ASTN2: variants seen among roughly 807,000 people sequenced by gnomAD.
The protein encoded by ASTN2 is astrotactin-2.
ASTN2 carries 54 observed loss-of-function variants against 139.8 expected under a neutral mutation model. The observed-to-expected ratio is 0.39, with a 90% CI of 0.31 to 0.48. The LOEUF (loss-of-function observed/expected upper bound fraction) is 0.48, where lower values mean the gene tolerates loss of function less well. Ranked by LOEUF, ASTN2 falls within the 20% of genes least tolerant of loss-of-function variation. The pLI, the probability that ASTN2 is intolerant of heterozygous loss-of-function variation, is 0.95. For missense variants in ASTN2, 1,565 were observed against 1,725.1 expected (o/e 0.91, Z 1.64); for synonymous variants, 756 against 719.5 (o/e 1.05, Z -0.81).
chr9:116,950,665 G>T (rs1564356768), intron 10 of ASTN2, among the ~76,000 whole-genome samples: 1 of 152,060 alleles, frequency 6.6e-6, no homozygotes, highest in African/African-American at 2.4e-5. Flanking sequence ...ATTCTGGTAG[G>T]AACAGGAAAC....
chr9:117,360,559 A>C (rs1829663808), intron 1 of ASTN2, among the ~76,000 whole-genome samples: 1 of 152,172 alleles, frequency 6.6e-6, no homozygotes, highest in Non-Finnish European at 1.5e-5. Context: ...TGCTGGTCTA[A>C]TGGAGAGAGT....
chr9:116,986,318 G>A (rs1468862462), intron 7 of ASTN2, among the ~76,000 whole-genome samples: 1 of 152,140 alleles, frequency 6.6e-6, no homozygotes, highest in Non-Finnish European at 1.5e-5. Flanking sequence ...CTGCAGACCA[G>A]CTACCCTTCT....
At chr9:117,094,282 G>T (rs1196836416) in intron 5 of ASTN2, among the ~76,000 whole-genome samples, 1 of 152,088 alleles carries the variant, frequency 6.6e-6, no homozygotes, top group African/African-American at 2.4e-5. Flanking sequence ...GGGATGGAAG[G>T]AGAGAGAAAG....
chr9:116,531,049 T>C (rs1355292861), intron 19 of ASTN2, among the ~76,000 whole-genome samples: 1 of 152,230 alleles, frequency 6.6e-6, no homozygotes, highest in Admixed American at 6.5e-5. Context: ...TGTAGCATTT[T>C]ATTCAATTAC....
chr9:117,136,561 A>G (rs1185086765), intron 4 of ASTN2, among the ~76,000 whole-genome samples: 1 of 152,142 alleles, frequency 6.6e-6, no homozygotes, highest in Non-Finnish European at 1.5e-5. Context: ...AAATCAGGAC[A>G]ATGTTCTAGG....
intron 10 of ASTN2, among the ~76,000 whole-genome samples, chr9:116,955,493 A>T (rs760915266): frequency 3.3e-5 from 5 of 152,236 alleles, no homozygotes; most frequent in Non-Finnish European, 5.9e-5. Context: ...GTTAAGAGCT[A>T]GCCGATCCTG....
intron 16 of ASTN2, among the ~76,000 whole-genome samples, chr9:116,718,976 A>ATATATATATATATATATATATATATC (rs1242831985): frequency 2.1e-5 from 2 of 96,326 alleles, no homozygotes; most frequent in Non-Finnish European, 3.9e-5. Flanking sequence ...GTATCTGTAC[A>ATATATATATATATATATATATATATC]TATATATATA....
intron 19 of ASTN2, among the ~76,000 whole-genome samples, chr9:116,507,503 G>C (rs576198676): frequency 6.6e-6 from 1 of 152,144 alleles, no homozygotes; most frequent in South Asian, 2.1e-4. Context: ...TGTCCAGTTG[G>C]TGGGCAGCCT....
At chr9:117,255,423 G>C (rs565591479) in intron 2 of ASTN2, among the ~76,000 whole-genome samples, 3 of 152,274 alleles carry the variant, frequency 2.0e-5, no homozygotes, top group Admixed American at 6.5e-5. Flanking sequence ...GATTATTTGT[G>C]TTACACCCAT....
At chr9:117,209,469 A>G (rs1119749) in intron 3 of ASTN2, among the ~76,000 whole-genome samples, 90,004 of 151,928 alleles carry the variant, frequency 0.59, 27,146 homozygotes, top group Middle Eastern at 0.7. Context: ...AGGATATTAT[A>G]TGATAATAAA....
chr9:117,046,193 G>T (rs1352501212), intron 5 of ASTN2, among the ~76,000 whole-genome samples: 1 of 152,028 alleles, frequency 6.6e-6, no homozygotes, highest in Non-Finnish European at 1.5e-5. Flanking sequence ...TAGAGGCAGG[G>T]TTTCACCATG....
chr9:117,298,656 GTATATATATATGTGTATATA>G (rs954994356), intron 1 of ASTN2, among the ~76,000 whole-genome samples: 4 of 110,032 alleles, frequency 3.6e-5, no homozygotes, highest in Non-Finnish European at 7.4e-5. Flanking sequence ...CTTGGTGTGT[GTATATATATATGTGTATATA>G]TATATATATA....
chr9:117,288,304 C>T (rs2130778841), intron 2 of ASTN2, among the ~76,000 whole-genome samples: 1 of 152,314 alleles, frequency 6.6e-6, no homozygotes, highest in Non-Finnish European at 1.5e-5. Context: ...CCCCAGGAGG[C>T]ATGGATGGTA....
At chr9:117,145,018 G>T (rs1439286451) in intron 3 of ASTN2, among the ~76,000 whole-genome samples, 1 of 151,954 alleles carries the variant, frequency 6.6e-6, no homozygotes, top group East Asian at 1.9e-4. Context: ...AGACTCAGGG[G>T]TACAAGTACA....
intron 1 of ASTN2, among the ~76,000 whole-genome samples, chr9:117,378,449 G>A (rs149663534): frequency 2.8e-4 from 42 of 152,312 alleles, no homozygotes; most frequent in African/African-American, 5.8e-4. Flanking sequence ...CTGTGGCCTC[G>A]GCCAAGTTGC....
intron 4 of ASTN2, among the ~76,000 whole-genome samples, chr9:117,108,501 T>C (rs1274244302): frequency 6.7e-6 from 1 of 148,612 alleles, no homozygotes; most frequent in Admixed American, 6.8e-5. Context: ...TGGGAGCCCA[T>C]AATGTGCCTA....
intron 7 of ASTN2, among the ~76,000 whole-genome samples, chr9:117,004,652 C>T (rs1015913394): frequency 6.6e-6 from 1 of 152,142 alleles, no homozygotes; most frequent in African/African-American, 2.4e-5. Context: ...GCACTGAGAC[C>T]TCTGACCTCT....
At chr9:116,954,842 C>G (rs1835666780) in intron 10 of ASTN2, among the ~76,000 whole-genome samples, 1 of 152,164 alleles carries the variant, frequency 6.6e-6, no homozygotes, top group Non-Finnish European at 1.5e-5. Flanking sequence ...ATGAGCATCC[C>G]TTAGGAACTT....
chr9:117,317,139 C>T (rs1828169257), intron 1 of ASTN2, among the ~76,000 whole-genome samples: 1 of 152,200 alleles, frequency 6.6e-6, no homozygotes, highest in African/African-American at 2.4e-5. Context: ...CTCTCATACA[C>T]ACATGCACAC....
Sources: gnomAD v4.1 joint callset for allele counts (sites outside exome capture counted in the v4.1 genomes callset) on GRCh38, gnomAD v4.1.1 for gene constraint, MANE v1.5 for transcripts, NCBI Gene and HGNC (gene_info 2026-07-23, HGNC 2026-07-21) for gene names.